Variants in PCDH9 observed in about 807,000 individuals in gnomAD.
The protein encoded by PCDH9 is protocadherin 9.
PCDH9 carries 24 observed loss-of-function variants against 70.6 expected under a neutral mutation model. That is an observed-to-expected ratio of 0.34 (90% CI 0.25 to 0.48). The LOEUF (loss-of-function observed/expected upper bound fraction) is 0.48, where lower values mean the gene tolerates loss of function less well. PCDH9 is among the 20% of genes least tolerant of loss of function. The pLI is 0.99. For synonymous variants in PCDH9, 562 were observed against 558.5 expected (o/e 1.01, Z -0.09); for missense variants, 1,281 against 1,503.6 (o/e 0.85, Z 2.45).
chr13:66,429,230 G>A (rs1455939182), intron 4 of PCDH9, among the ~76,000 whole-genome samples: 1 of 151,706 alleles, frequency 6.6e-6, no homozygotes, highest in Non-Finnish European at 1.5e-5. Context: ...TTTAAAGAAT[G>A]ACATGTCTGA....
intron 2 of PCDH9, among the ~76,000 whole-genome samples, chr13:67,035,001 C>T (rs527359255): frequency 6.6e-6 from 1 of 151,726 alleles, no homozygotes; most frequent in African/African-American, 2.4e-5. Context: ...AATATGGTAG[C>T]ATGTACATGT....
intron 4 of PCDH9, among the ~76,000 whole-genome samples, chr13:66,522,133 T>C (rs1286485395): frequency 6.6e-6 from 1 of 150,638 alleles, no homozygotes; most frequent in Admixed American, 6.7e-5. Context: ...CTTTAAAAAT[T>C]ACCTAAGGAA....
At chr13:66,820,320 A>C (rs918085400) in intron 3 of PCDH9, among the ~76,000 whole-genome samples, 6 of 152,296 alleles carry the variant, frequency 3.9e-5, no homozygotes, top group Admixed American at 2.6e-4. Flanking sequence ...GGATATTTTT[A>C]GTCGATACCC....
intron 2 of PCDH9, among the ~76,000 whole-genome samples, chr13:67,004,644 A>C (rs756456543): frequency 1.3e-5 from 2 of 152,104 alleles, no homozygotes; most frequent in Non-Finnish European, 2.9e-5. Flanking sequence ...ATGTTTTAAA[A>C]ATTTGGCAGT....
At chr13:66,610,511 T>A (rs2077281084) in intron 4 of PCDH9, among the ~76,000 whole-genome samples, 1 of 152,132 alleles carries the variant, frequency 6.6e-6, no homozygotes. Flanking sequence ...ATAGGCCAAT[T>A]TCTCTTTCCT....
intron 4 of PCDH9, among the ~76,000 whole-genome samples, chr13:66,446,609 T>G (rs1485935522): frequency 6.6e-6 from 1 of 152,052 alleles, no homozygotes; most frequent in African/African-American, 2.4e-5. Context: ...TCTCTAGAGT[T>G]AAGGTGAGGC....
In PCDH9 at chr13:67,186,355, G is replaced by T. The variant is rs145346279; in HGVS notation, c.3036+39050C>A. Among the ~76,000 whole-genome samples the T allele has an allele frequency of 1.3e-4, 20 of 152,222 alleles. No individual in the cohort carries two copies. The East Asian group carries it at 3.9e-3, about 29-fold the overall frequency. ...CAATTTCATTTCAGGAACCAAAAAC[G>T]TATGTAGGGGACGAGGAAATGTCTA... On this transcript the variant is annotated intron_variant, in intron 2 of 4. Transcript: ENST00000377865.
intron 4 of PCDH9, among the ~76,000 whole-genome samples, chr13:66,519,730 G>T (rs950981697): frequency 4.6e-5 from 7 of 152,034 alleles, no homozygotes; most frequent in Non-Finnish European, 1.0e-4. Flanking sequence ...ACATTTGCAT[G>T]ACACAGTATC....
intron 2 of PCDH9, chr13:67,210,720 T>G (rs1053297729): frequency 1.3e-5 from 2 of 152,032 alleles, no homozygotes; most frequent in Non-Finnish European, 2.9e-5. Context: ...ATAAATGGTT[T>G]TGAATAGACA....
At chr13:66,328,358 C>A (rs1782056628) in intron 4 of PCDH9, among the ~76,000 whole-genome samples, 2 of 152,088 alleles carry the variant, frequency 1.3e-5, no homozygotes, top group South Asian at 4.1e-4. Context: ...CTTGACACCA[C>A]CAGAAGAAAA....
At chr13:66,874,999 A>G (rs1781565176) in intron 3 of PCDH9, among the ~76,000 whole-genome samples, 1 of 151,368 alleles carries the variant, frequency 6.6e-6, no homozygotes, top group Admixed American at 6.6e-5. Context: ...GGAGGAGGAG[A>G]TAATGAGAAG....
intron 3 of PCDH9, among the ~76,000 whole-genome samples, chr13:66,705,559 C>T (rs975195288): frequency 6.6e-5 from 10 of 152,058 alleles, no homozygotes; most frequent in African/African-American, 1.9e-4. Flanking sequence ...TGGTATAATG[C>T]GTGGCATTTT....
intron 2 of PCDH9, among the ~76,000 whole-genome samples, chr13:67,013,627 T>C (rs1282704302): frequency 1.3e-5 from 2 of 151,934 alleles, no homozygotes; most frequent in Non-Finnish European, 2.9e-5. Flanking sequence ...CATAACCTAT[T>C]ATTTGTACAT....
intron 4 of PCDH9, among the ~76,000 whole-genome samples, chr13:66,434,445 A>G (rs80161428): frequency 0.013 from 1,929 of 152,118 alleles, 42 homozygotes; most frequent in African/African-American, 0.045. Flanking sequence ...CATATCACGT[A>G]TTCATTTGCT....
At chr13:67,144,422 A>T (rs1358316774) in intron 2 of PCDH9, among the ~76,000 whole-genome samples, 6 of 152,144 alleles carry the variant, frequency 3.9e-5, no homozygotes, top group Non-Finnish European at 7.4e-5. Flanking sequence ...TTACTAAACA[A>T]CATAAAGTCC....
At chr13:66,689,443 T>C (rs1334270539) in intron 3 of PCDH9, among the ~76,000 whole-genome samples, 2 of 152,152 alleles carry the variant, frequency 1.3e-5, no homozygotes, top group Admixed American at 6.5e-5. Flanking sequence ...GTGGAGTACA[T>C]GACAGCTTAG....
intron 4 of PCDH9, among the ~76,000 whole-genome samples, chr13:66,392,838 T>C (rs1957042580): frequency 6.6e-6 from 1 of 151,912 alleles, no homozygotes; most frequent in Admixed American, 6.6e-5. Context: ...AAGCAGCATA[T>C]TGCTTTTATT....
At chr13:66,572,434 G>A (rs1044482172) in intron 4 of PCDH9, among the ~76,000 whole-genome samples, 5 of 151,808 alleles carry the variant, frequency 3.3e-5, no homozygotes, top group African/African-American at 7.3e-5. Context: ...AATTTTTTTC[G>A]TTCCCACATA....
At position 66,546,330 on chromosome 13, in the gene PCDH9, T is replaced by C. The variant is rs537391380; in HGVS notation, c.3340+84880A>G. Among the ~76,000 whole-genome samples the C allele has an allele frequency of 7.9e-5, 12 of 152,278 alleles. No homozygotes were observed. The South Asian group carries it at 2.3e-3, about 29-fold the overall frequency. On this transcript the variant is annotated intron_variant, in intron 4 of 4. Coordinates refer to ENST00000377865, the MANE Select transcript of PCDH9 (RefSeq NM_203487.3). ...AAGATGTGGAGGTGGAAGACAGTGA[T>C]ACAGATGATCCTGACCTTATAGGCC...
Sources: gnomAD v4.1 joint callset for allele counts (sites outside exome capture counted in the v4.1 genomes callset) on GRCh38, gnomAD v4.1.1 for gene constraint, MANE v1.5 for transcripts, NCBI Gene and HGNC (gene_info 2026-07-23, HGNC 2026-07-21) for gene names.